The following HMCN1 variants were observed in gnomAD, a reference collection of about 807,000 sequenced individuals.
HMCN1 encodes hemicentin-1.
HMCN1 carries 321 observed loss-of-function variants against 625.9 expected under a neutral mutation model. That is an observed-to-expected ratio of 0.51 (90% CI 0.47 to 0.56). The LOEUF is 0.56. Ranked by LOEUF, HMCN1 falls within the 20% of genes least tolerant of loss-of-function variation. The probability of loss-of-function intolerance (pLI) is 0.00; values close to 1 mark genes in which losing one functional copy is unlikely to be tolerated. For missense variants in HMCN1, 6,588 were observed against 6,887.3 expected (o/e 0.96, Z 1.54); for synonymous variants, 2,425 against 2,417.6 (o/e 1.00, Z -0.09).
chr1:186,029,236 T>A (rs1655259218), intron 36 of HMCN1, among the ~76,000 whole-genome samples: 1 of 146,036 alleles, frequency 6.8e-6, no homozygotes, highest in African/African-American at 2.8e-5. Context: ...CTTCTGAGGC[T>A]ATAAATTAAA....
intron 80 of HMCN1, 67 bp downstream of exon 80, chr1:186,120,212 T>C (rs1661336955): frequency 3.9e-6 from 6 of 1,520,910 alleles, no homozygotes; most frequent in African/African-American, 1.4e-5. Flanking sequence ...CAAATATTTA[T>C]ATATCTAAAA....
At chr1:185,936,119 A>T (rs1378974884) in intron 11 of HMCN1, among the ~76,000 whole-genome samples, 1 of 152,118 alleles carries the variant, frequency 6.6e-6, no homozygotes, top group Admixed American at 6.6e-5. Flanking sequence ...TTATGCTTCC[A>T]CTGGTGTGTT....
chr1:186,014,083 T>C (rs1463079023), intron 30 of HMCN1, among the ~76,000 whole-genome samples: 1 of 152,138 alleles, frequency 6.6e-6, no homozygotes, highest in Non-Finnish European at 1.5e-5. Context: ...CAAAGGTACA[T>C]GCTGTCAGCA....
intron 1 of HMCN1, among the ~76,000 whole-genome samples, chr1:185,788,982 T>C (rs747047407): frequency 3.9e-5 from 6 of 152,216 alleles, no homozygotes; most frequent in Non-Finnish European, 7.3e-5. Flanking sequence ...TAAAGTTTTA[T>C]AAGCATTTTG....
At chr1:186,125,280 A>G (rs995688425) in intron 81 of HMCN1, among the ~76,000 whole-genome samples, 25 of 152,088 alleles carry the variant, frequency 1.6e-4, no homozygotes, top group Non-Finnish European at 7.4e-5. Flanking sequence ...GTTTTACTTC[A>G]CTGCAGTAAA....
chr1:186,142,389 TTTTC>T (rs1318063801), intron 89 of HMCN1, among the ~76,000 whole-genome samples: 1 of 152,204 alleles, frequency 6.6e-6, no homozygotes, highest in Non-Finnish European at 1.5e-5. Flanking sequence ...TGGTACCACA[TTTTC>T]TTTATCCAGT....
rs372968432 is a variant in HMCN1 at position 186,036,753 on chromosome 1, T to C, written c.5750-1181T>C. Among the ~76,000 whole-genome samples, 20 of 151,718 alleles carry C rather than the reference T, an allele frequency of 1.3e-4. No individual in the cohort carries two copies. The East Asian group carries it at 3.9e-3, about 30-fold the overall frequency. ...TTACAGGCGCCCACCACTACCTCCA[T>C]CTAATTTTTTGTATTTTTAGTAGAG... On this transcript the variant is annotated intron_variant, in intron 36 of 106. Coordinates refer to ENST00000271588, the MANE Select transcript of HMCN1 (RefSeq NM_031935.3).
At chr1:186,125,530 T>C (rs1367539784) in intron 81 of HMCN1, 74 bp from the exon 82 acceptor site, 3 of 1,143,518 alleles carry the variant, frequency 2.6e-6, no homozygotes, top group Non-Finnish European at 4.0e-6. Flanking sequence ...GTTTTTTATG[T>C]GTTAATTTTT....
chr1:186,033,781 T>C (rs1655641949), intron 36 of HMCN1, among the ~76,000 whole-genome samples: 1 of 152,164 alleles, frequency 6.6e-6, no homozygotes, highest in South Asian at 2.1e-4. Context: ...GCTATCTTGT[T>C]TCTTAGAATA....
At chr1:185,740,343 TTGG>T (rs1653900242) in intron 1 of HMCN1, among the ~76,000 whole-genome samples, 1 of 152,140 alleles carries the variant, frequency 6.6e-6, no homozygotes, top group African/African-American at 2.4e-5. Flanking sequence ...TTGCATGAAG[TTGG>T]TGGCTGTGGG....
At chr1:186,165,452 T>C (rs1281164927) in intron 98 of HMCN1, among the ~76,000 whole-genome samples, 1 of 152,170 alleles carries the variant, frequency 6.6e-6, no homozygotes, top group Admixed American at 6.5e-5. Context: ...AGTGACTAAG[T>C]ATAGATGTGG....
intron 1 of HMCN1, among the ~76,000 whole-genome samples, chr1:185,817,084 T>C (rs1659889741): frequency 6.6e-6 from 1 of 152,218 alleles, no homozygotes; most frequent in African/African-American, 2.4e-5. Context: ...GAGTTTATTC[T>C]GTACAAGGTG....
chr1:185,897,312 A>G (rs1665544964), intron 4 of HMCN1, among the ~76,000 whole-genome samples: 1 of 151,930 alleles, frequency 6.6e-6, no homozygotes, highest in African/African-American at 2.4e-5. Flanking sequence ...TTCCCTCCCA[A>G]TCCCTCCACC....
In HMCN1 at chr1:186,122,961, C is replaced by A; in HGVS notation, c.12240C>A (p.Val4080=). The change falls in exon 81 of 107, where the codon GTC becomes GTA. Residue 4080 remains valine (V), a synonymous_variant. Coordinates refer to ENST00000271588, the MANE Select transcript of HMCN1 (RefSeq NM_031935.3). ...TTTTGTATATTTTAGTTCCTCCAGT[C>A]ATTAGCCCTCATCTAAAGGAATATG... ...KIKLNVQVPP[V]ISPHLKEYVI... 6.2e-7 allele frequency: 1 copy of A among 1,613,782 alleles called. No individual in the cohort carries two copies. The highest frequency in any genetic ancestry group is 1.1e-5 in the South Asian group (1 of 91,042).
chr1:185,750,241 T>C (rs992192358), intron 1 of HMCN1, among the ~76,000 whole-genome samples: 5 of 152,188 alleles, frequency 3.3e-5, no homozygotes, highest in African/African-American at 1.2e-4. Context: ...AGTGCCTTCT[T>C]TTATTTAAAG....
chr1:186,183,604 A>G lies in HMCN1; in HGVS notation c.16414+1317A>G, dbSNP rs115429717. ...TTATTTCACTTTAATCAGCAGTATA[A>G]ATATGTCAAGGGCAATAATTTGCAC... On this transcript the variant is annotated intron_variant, in intron 105 of 106. Transcript: ENST00000271588. 6.4e-3 allele frequency among the ~76,000 whole-genome samples: 979 copies of G among 152,258 alleles called. 12 individuals carry two copies. Among genetic ancestry groups the G allele is most frequent in the African/African-American group, 0.023 (949 of 41,546 alleles).
intron 4 of HMCN1, among the ~76,000 whole-genome samples, chr1:185,873,129 A>G (rs1303146909): frequency 1.3e-5 from 2 of 152,168 alleles, no homozygotes; most frequent in Non-Finnish European, 2.9e-5. Flanking sequence ...AAATAAACCT[A>G]TTTATTTAGC....
At chr1:185,782,246 A>G (rs1470559129) in intron 1 of HMCN1, among the ~76,000 whole-genome samples, 1 of 152,142 alleles carries the variant, frequency 6.6e-6, no homozygotes, top group Non-Finnish European at 1.5e-5. Context: ...GTTTCTCTGC[A>G]CGTGAGATGG....
At chr1:185,999,972 C>G in intron 25 of HMCN1, 73 bp from the exon 26 acceptor site, 6 of 1,064,954 alleles carry the variant, frequency 5.6e-6, no homozygotes, top group Non-Finnish European at 8.4e-6. Flanking sequence ...CTTTATTTCT[C>G]TTTGATATAT....
Sources: allele counts gnomAD v4.1 joint callset (sites outside exome capture counted in the v4.1 genomes callset), GRCh38; gene constraint gnomAD v4.1.1; transcripts MANE v1.5; gene names NCBI Gene and HGNC (gene_info 2026-07-23, HGNC 2026-07-21).